Variants in MAGI3 observed in about 807,000 individuals in gnomAD.
The protein encoded by MAGI3 is membrane associated guanylate kinase, WW and PDZ domain containing 3.
Under a neutral mutation model 121.8 loss-of-function variants are expected in MAGI3, and 43 were observed. That is an observed-to-expected ratio of 0.35 (90% CI 0.28 to 0.46). The LOEUF (loss-of-function observed/expected upper bound fraction) is 0.46. MAGI3 is among the 20% of genes least tolerant of loss of function. MAGI3 has a pLI of 1.00. For synonymous variants in MAGI3, 553 were observed against 639.3 expected, an observed-to-expected ratio of 0.86 and a Z score of 2.04; for missense variants, 1,547 against 1,797.3, an observed-to-expected ratio of 0.86 and a Z score of 2.52.
intron 1 of MAGI3, among the ~76,000 whole-genome samples, chr1:113,436,955 C>T (rs906387969): frequency 2.0e-5 from 3 of 151,806 alleles, no homozygotes; most frequent in African/African-American, 7.3e-5. Context: ...GCTGGGACTA[C>T]AGGCGTGTGC....
chr1:113,592,607 G>A (rs1648752420), intron 5 of MAGI3, among the ~76,000 whole-genome samples: 1 of 151,766 alleles, frequency 6.6e-6, no homozygotes, highest in South Asian at 2.1e-4. Context: ...TTTTTTTTAA[G>A]CAAAAAACTT....
chr1:113,553,344 G>C (rs1192468747), intron 2 of MAGI3, among the ~76,000 whole-genome samples: 6 of 152,148 alleles, frequency 3.9e-5, no homozygotes, highest in Non-Finnish European at 5.9e-5. Flanking sequence ...ACAGAGGAGA[G>C]GGCTATGAAG....
intron 16 of MAGI3, among the ~76,000 whole-genome samples, chr1:113,660,889 C>T (rs1443670975): frequency 6.6e-6 from 1 of 151,044 alleles, no homozygotes; most frequent in African/African-American, 2.4e-5. Context: ...CAGGCGTGAG[C>T]CACCATGCCT....
intron 1 of MAGI3, among the ~76,000 whole-genome samples, chr1:113,527,797 ATTAT>A (rs1658521413): frequency 6.6e-6 from 1 of 152,228 alleles, no homozygotes; most frequent in African/African-American, 2.4e-5. Context: ...CTTTCTATAA[ATTAT>A]TTGTCTTAAG....
intron 1 of MAGI3, chr1:113,404,450 TCAAAA>T (rs1651569774): frequency 6.6e-6 from 1 of 152,156 alleles, no homozygotes; most frequent in African/African-American, 2.4e-5. Context: ...AGATAAATAC[TCAAAA>T]CAAATTATTT....
At chr1:113,597,955 T>C (rs180731170) in intron 6 of MAGI3, among the ~76,000 whole-genome samples, 1 of 152,262 alleles carries the variant, frequency 6.6e-6, no homozygotes, top group East Asian at 1.9e-4. Flanking sequence ...GGCTCACACC[T>C]GTAATCCCAG....
intron 1 of MAGI3, among the ~76,000 whole-genome samples, chr1:113,434,578 C>G (rs1653469502): frequency 2.0e-5 from 3 of 152,304 alleles, no homozygotes; most frequent in Admixed American, 6.5e-5. Flanking sequence ...TTTACAGCTG[C>G]TCTCTTTATT....
At position 113,618,884 on chromosome 1, in the gene MAGI3, A is replaced by C. The variant is rs78450020; in HGVS notation, c.1077-852A>C. Among the ~76,000 whole-genome samples the C allele has an allele frequency of 5.1e-3, 778 of 152,346 alleles. 4 individuals carry two copies. The highest frequency in any genetic ancestry group is 0.018 in the African/African-American group (751 of 41,590). ...ATGGAAGTGTTAGAATATGATTTCC[A>C]TTGCTTCTGAATTAGACCTATTCGA... On this transcript the variant is annotated intron_variant, in intron 7 of 20. Coordinates refer to ENST00000307546, the MANE Select transcript of MAGI3 (RefSeq NM_001142782.2).
chr1:113,424,365 G>T (rs1487574863), intron 1 of MAGI3, among the ~76,000 whole-genome samples: 3 of 152,084 alleles, frequency 2.0e-5, no homozygotes, highest in Non-Finnish European at 4.4e-5. Context: ...ATCACCAAAA[G>T]CGTCCCTCTT....
Position 113,668,915 on chromosome 1 carries a change from T to C in MAGI3, c.2816-2819T>C, listed in dbSNP as rs181613335. 5.9e-5 allele frequency among the ~76,000 whole-genome samples: 9 copies of C among 152,302 alleles called. No homozygotes were observed. The East Asian group carries it at 1.7e-3, about 29-fold the overall frequency. On this transcript the variant is annotated intron_variant, in intron 16 of 20. Transcript: ENST00000307546. Reference sequence around the variant, plus strand: ...GTAACTTTAAAAGTAAGCACCAATTTGTGGTACATTTTGCCTGGAACTGAA... The same window carrying C: ...GTAACTTTAAAAGTAAGCACCAATTCGTGGTACATTTTGCCTGGAACTGAA...
At chr1:113,550,280 G>A (rs959599147) in intron 2 of MAGI3, among the ~76,000 whole-genome samples, 36 of 150,716 alleles carry the variant, frequency 2.4e-4, no homozygotes, top group African/African-American at 7.3e-4. Context: ...AGCCGGGTGC[G>A]TCGCAGGCGC....
In MAGI3 at chr1:113,683,266, AG is replaced by A; in HGVS notation, c.3700del (p.Glu1234AsnfsTer10). ...SPKKPASQHSEEHLDKIPSPL... is the reference protein window; with the variant it reads ...SPKKPASQHSXEHLDKIPSPL... Reference sequence around the variant, plus strand: ...AAAAAGCCAGCCAGTCAACATTCAGAGGAACATTTGGATAAGATTCCTAGTC... The same window carrying A: ...AAAAAGCCAGCCAGTCAACATTCAGAGAACATTTGGATAAGATTCCTAGTC... On this transcript the variant is annotated frameshift_variant, in exon 21 of 21. Coordinates refer to ENST00000307546, the MANE Select transcript of MAGI3 (RefSeq NM_001142782.2). LOFTEE classifies it low-confidence loss of function (END_TRUNC). 1.2e-6 allele frequency: 2 copies of A among 1,613,192 alleles called. No homozygotes were observed. Among genetic ancestry groups the A allele is most frequent in the African/African-American group, 2.7e-5 (2 of 74,938 alleles).
intron 1 of MAGI3, among the ~76,000 whole-genome samples, chr1:113,479,493 T>A (rs1369194857): frequency 3.3e-5 from 5 of 152,218 alleles, no homozygotes. Flanking sequence ...CGTTCCCTTG[T>A]ATGTGACTAG....
At chr1:113,513,496 T>C (rs928210916) in intron 1 of MAGI3, among the ~76,000 whole-genome samples, 3 of 152,144 alleles carry the variant, frequency 2.0e-5, no homozygotes, top group African/African-American at 7.2e-5. Context: ...ATCTGATCTT[T>C]GACAAACCTG....
intron 1 of MAGI3, among the ~76,000 whole-genome samples, chr1:113,503,676 GAAGGAAATGAAT>G (rs148551129): frequency 0.15 from 22,497 of 151,994 alleles, 2,360 homozygotes; most frequent in East Asian, 0.58. Context: ...AGTAAAGGAG[GAAGGAAATGAAT>G]AATCTTCAGA....
intron 15 of MAGI3, 39 bp from the exon 16 acceptor site, chr1:113,659,041 C>T: frequency 4.7e-6 from 7 of 1,493,366 alleles, no homozygotes; most frequent in Non-Finnish European, 6.4e-6. Context: ...TAGCAGAAAT[C>T]TTAAATAATT....
At chr1:113,434,387 T>C (rs1653456465) in intron 1 of MAGI3, among the ~76,000 whole-genome samples, 1 of 152,058 alleles carries the variant, frequency 6.6e-6, no homozygotes, top group Admixed American at 6.6e-5. Flanking sequence ...CTGGACAACA[T>C]AGCGAGACCT....
rs972610633 is a variant in MAGI3 at position 113,391,716 on chromosome 1, T to A, written c.316+367T>A. Among the ~76,000 whole-genome samples, 1 of 152,190 alleles carries A rather than the reference T, an allele frequency of 6.6e-6. No individual in the cohort carries two copies. The highest frequency in any genetic ancestry group is 1.5e-5 in the Non-Finnish European group (1 of 68,038). On this transcript the variant is annotated intron_variant, in intron 1 of 20. Transcript: ENST00000307546. This position sits in a 1 kb window ranked among gnomAD's most constrained non-coding sequence, Gnocchi z 4.4. ...GGCCCTTAGGATTGTAACATTTTCTTTGGAACGATCTTACGCATCTTCTAA... is the reference window on the plus strand; with the variant it reads ...GGCCCTTAGGATTGTAACATTTTCTATGGAACGATCTTACGCATCTTCTAA...
chr1:113,673,399 C>T lies in MAGI3; in HGVS notation c.3123C>T (p.Tyr1041=), dbSNP rs1401001355. ...TCAGCCTCCGAGGGGGGAAGGAGTA[C>T]AACATGGGGCTGTTCATCCTTCGTC... ...FGFSLRGGKE[Y]NMGLFILRLA... Residue 1041 remains tyrosine, a synonymous_variant, in exon 19 of 21, where the codon TAC becomes TAT. Transcript: ENST00000307546. 6.2e-7 allele frequency: 1 copy of T among 1,612,292 alleles called. No homozygotes were observed. The highest frequency in any genetic ancestry group is 1.3e-5 in the African/African-American group (1 of 74,808).
Sources: gnomAD v4.1 joint callset for allele counts (sites outside exome capture counted in the v4.1 genomes callset) on GRCh38, gnomAD v4.1.1 for gene constraint, Gnocchi (gnomAD v3.1) non-coding constraint, MANE v1.5 for transcripts, NCBI Gene and HGNC (gene_info 2026-07-23, HGNC 2026-07-21) for gene names.